AKAP6: variants seen among roughly 807,000 people sequenced by gnomAD.
AKAP6 encodes A-kinase anchoring protein 6, also known as A-kinase anchor protein 6.
Under a neutral mutation model 188.5 loss-of-function variants are expected in AKAP6, and 58 were observed. The ratio of observed to expected loss-of-function variants is 0.31; its 90% CI spans 0.25 to 0.38. The LOEUF is 0.38. AKAP6 is among the 10% of genes least tolerant of loss of function. AKAP6 has a pLI of 1.00. For synonymous variants in AKAP6, 989 were observed against 998.6 expected (o/e 0.99, Z 0.18); for missense variants, 2,710 against 2,740.0 (o/e 0.99, Z 0.24).
chr14:32,509,976 C>T (rs962728347), intron 2 of AKAP6, among the ~76,000 whole-genome samples: 4 of 152,162 alleles, frequency 2.6e-5, no homozygotes, highest in African/African-American at 9.7e-5. Flanking sequence ...CCTCACCGTG[C>T]AGCTGACCTC....
intron 12 of AKAP6, among the ~76,000 whole-genome samples, chr14:32,793,692 G>A (rs190795674): frequency 7.2e-4 from 110 of 151,806 alleles, no homozygotes; most frequent in African/African-American, 2.5e-3. Context: ...GATATCTACA[G>A]AACTTTCCAC....
chr14:32,811,089 A>C (rs1014140179), intron 12 of AKAP6, among the ~76,000 whole-genome samples: 2 of 151,854 alleles, frequency 1.3e-5, no homozygotes, highest in Non-Finnish European at 2.9e-5. Context: ...AATACAAAAA[A>C]TTAGCCGGGC....
At chr14:32,574,135 G>A (rs1211990657) in intron 4 of AKAP6, among the ~76,000 whole-genome samples, 5 of 152,294 alleles carry the variant, frequency 3.3e-5, no homozygotes, top group East Asian at 1.9e-4. Flanking sequence ...CTAAAGGGAC[G>A]GGGTGCTTAG....
At chr14:32,523,834 G>A (rs932173563) in intron 2 of AKAP6, among the ~76,000 whole-genome samples, 4 of 146,264 alleles carry the variant, frequency 2.7e-5, no homozygotes, top group Admixed American at 6.9e-5. Context: ...TTACTGTTTT[G>A]TCAAAGAAAT....
intron 1 of AKAP6, among the ~76,000 whole-genome samples, chr14:32,402,300 A>G (rs1189868694): frequency 6.6e-6 from 1 of 152,216 alleles, no homozygotes; most frequent in Non-Finnish European, 1.5e-5. Context: ...AACAAATTGT[A>G]CTGATGTGGC....
chr14:32,506,532 C>T (rs879510278), intron 2 of AKAP6, among the ~76,000 whole-genome samples: 10 of 152,200 alleles, frequency 6.6e-5, no homozygotes, highest in South Asian at 2.1e-4. Flanking sequence ...TTCTACATCA[C>T]GACAGAACAA....
chr14:32,404,691 G>GATAGATAGATAGATAGATAT, intron 1 of AKAP6, among the ~76,000 whole-genome samples: 1 of 44,438 alleles, frequency 2.3e-5, no homozygotes, highest in African/African-American at 7.2e-5. Flanking sequence ...GGAGTCAGGA[G>GATAGATAGATAGATAGATAT]ATATATATAT....
At chr14:32,456,257 G>A (rs560536382) in intron 2 of AKAP6, among the ~76,000 whole-genome samples, 1 of 152,144 alleles carries the variant, frequency 6.6e-6, no homozygotes, top group South Asian at 2.1e-4. Flanking sequence ...TTTTAATGCT[G>A]AGCAGTCTTA....
chr14:32,660,933 C>A (rs968158852), intron 7 of AKAP6, among the ~76,000 whole-genome samples: 3 of 103,940 alleles, frequency 2.9e-5, no homozygotes, highest in African/African-American at 3.9e-5. Flanking sequence ...CACCCCCCCC[C>A]CTCCCAATTC....
chr14:32,830,135 C>T lies in AKAP6; in HGVS notation c.*330C>T, dbSNP rs972133407. On this transcript the variant is annotated 3_prime_UTR_variant, in exon 14 of 14. Coordinates refer to ENST00000280979, the MANE Select transcript of AKAP6 (RefSeq NM_004274.5). Reference sequence around the variant, plus strand: ...GCTAGACTTTTCTCTTTGCCTCCTCCCTTCCCTTCCACTCTTTAAAGTTCT... The same window carrying T: ...GCTAGACTTTTCTCTTTGCCTCCTCTCTTCCCTTCCACTCTTTAAAGTTCT... 1.7e-6 allele frequency: 1 copy of T among 591,122 alleles called. No homozygotes were observed. Among genetic ancestry groups the T allele is most frequent in the Non-Finnish European group, 3.0e-6 (1 of 332,476 alleles). The allele number at this position is 591,122 out of a possible 1,614,324, so 36.6% of individuals were successfully genotyped here. A position where few individuals can be genotyped will look rare whatever the true frequency, so the allele number is the denominator to read the frequency against.
chr14:32,530,511 C>A (rs1416231276), intron 2 of AKAP6, among the ~76,000 whole-genome samples: 1 of 152,072 alleles, frequency 6.6e-6, no homozygotes, highest in Non-Finnish European at 1.5e-5. Flanking sequence ...ATTTGAGGCA[C>A]CTTGGCAGAA....
At chr14:32,804,074 G>T (rs1722524584) in intron 12 of AKAP6, among the ~76,000 whole-genome samples, 1 of 152,170 alleles carries the variant, frequency 6.6e-6, no homozygotes, top group African/African-American at 2.4e-5. Flanking sequence ...TCTCATAAAT[G>T]AGTTAATACC....
chr14:32,394,368 G>T (rs1888805598), intron 1 of AKAP6, among the ~76,000 whole-genome samples: 2 of 152,142 alleles, frequency 1.3e-5, no homozygotes, highest in Admixed American at 6.6e-5. Context: ...GGCAAGTATG[G>T]TTATAACTTT....
At chr14:32,662,698 T>C (rs74820625) in intron 7 of AKAP6, among the ~76,000 whole-genome samples, 1,907 of 152,234 alleles carry the variant, frequency 0.013, 39 homozygotes, top group African/African-American at 0.041. Flanking sequence ...TTTCTATAGA[T>C]GAGATTTTCT....
At chr14:32,800,141 CACACATATAT>C (rs1566720783) in intron 12 of AKAP6, among the ~76,000 whole-genome samples, 34 of 121,168 alleles carry the variant, frequency 2.8e-4, no homozygotes, top group Admixed American at 6.6e-4. Context: ...CATATATATA[CACACATATAT>C]ACATATATAT....
chr14:32,632,705 G>A (rs777686474), intron 7 of AKAP6, among the ~76,000 whole-genome samples: 1 of 152,002 alleles, frequency 6.6e-6, no homozygotes, highest in African/African-American at 2.4e-5. Context: ...TATAAATGAC[G>A]AGCAGGGGCA....
chr14:32,540,055 A>T (rs982648751), intron 3 of AKAP6, among the ~76,000 whole-genome samples: 2 of 149,586 alleles, frequency 1.3e-5, no homozygotes, highest in South Asian at 2.2e-4. Context: ...GCTTCAGTTA[A>T]TTATGGAAAA....
chr14:32,615,591 C>CTTTTTTTTTTTTTTTTTTTT (rs779867395), intron 7 of AKAP6, among the ~76,000 whole-genome samples: 1 of 115,264 alleles, frequency 8.7e-6, no homozygotes, highest in African/African-American at 3.8e-5. Flanking sequence ...TAAACCATTA[C>CTTTTTTTTTTTTTTTTTTTT]TTTTTTTTTT....
chr14:32,673,074 A>G (rs541616798), intron 7 of AKAP6, among the ~76,000 whole-genome samples: 162 of 152,282 alleles, frequency 1.1e-3, no homozygotes, highest in African/African-American at 3.3e-3. Context: ...TTCTCTGAAC[A>G]TGCCACATCC....
Sources: gnomAD v4.1 joint callset for allele counts (sites outside exome capture counted in the v4.1 genomes callset) on GRCh38, gnomAD v4.1.1 for gene constraint, MANE v1.5 for transcripts, NCBI Gene and HGNC (gene_info 2026-07-23, HGNC 2026-07-21) for gene names.